The following SLC9B1 variants were observed in gnomAD, a reference collection of about 807,000 sequenced individuals.
SLC9B1 encodes sodium/hydrogen exchanger 9B1.
A neutral mutation model predicts 51.7 loss-of-function variants in SLC9B1; 32 were observed. That is an observed-to-expected ratio of 0.62 (90% CI 0.47 to 0.83). SLC9B1 has a LOEUF of 0.83. Among genes scored for constraint, SLC9B1 ranks in the 40% least tolerant of loss-of-function variants. SLC9B1 has a pLI of 0.00. For missense variants in SLC9B1, 406 were observed against 613.2 expected (o/e 0.66, Z 3.57); for synonymous variants, 145 against 212.7 (o/e 0.68, Z 2.77).
chr4:102,999,066 C>A (rs976276425), intron 1 of SLC9B1, among the ~76,000 whole-genome samples: 2 of 152,118 alleles, frequency 1.3e-5, no homozygotes, highest in Non-Finnish European at 2.9e-5. Flanking sequence ...GTAGCCCAGG[C>A]TGGTCTCAAA....
At chr4:102,939,335 G>A (rs562162121) in intron 6 of SLC9B1, among the ~76,000 whole-genome samples, 2 of 132,792 alleles carry the variant, frequency 1.5e-5, no homozygotes, top group African/African-American at 5.7e-5. Context: ...ATTGAACTAG[G>A]AAGAAACTGA....
intron 3 of SLC9B1, among the ~76,000 whole-genome samples, chr4:102,978,150 A>G (rs1360971033): frequency 6.6e-6 from 1 of 152,174 alleles, no homozygotes; most frequent in Non-Finnish European, 1.5e-5. Context: ...ATCATTTTTT[A>G]TGGCTGCATA....
At chr4:103,008,002 A>G (rs1241924056) in intron 1 of SLC9B1, among the ~76,000 whole-genome samples, 1 of 152,202 alleles carries the variant, frequency 6.6e-6, no homozygotes, top group Non-Finnish European at 1.5e-5. Flanking sequence ...TTGTACTAAC[A>G]AAAATAAGAC....
intron 7 of SLC9B1, among the ~76,000 whole-genome samples, chr4:102,920,041 G>C (rs867411103): frequency 3.9e-5 from 6 of 152,252 alleles, no homozygotes; most frequent in South Asian, 4.1e-4. Flanking sequence ...GCTCTGAAGA[G>C]AGCAGTGGTT....
chr4:102,919,149 G>C (rs1735734439), intron 7 of SLC9B1, among the ~76,000 whole-genome samples: 1 of 152,154 alleles, frequency 6.6e-6, no homozygotes, highest in Non-Finnish European at 1.5e-5. Flanking sequence ...ACATACCCTG[G>C]AGACAATTTC....
intron 9 of SLC9B1, 105 bp from the exon 10 acceptor site, chr4:102,906,749 G>A (rs1303717029): frequency 1.4e-6 from 1 of 693,030 alleles, no homozygotes; most frequent in African/African-American, 1.9e-5. Context: ...AAGTATTTTA[G>A]AGATGGGGTC....
At chr4:102,949,942 C>CT (rs1737463185) in intron 3 of SLC9B1, among the ~76,000 whole-genome samples, 1 of 151,724 alleles carries the variant, frequency 6.6e-6, no homozygotes. Context: ...GCCTGTGTGA[C>CT]AGAGTGAGAC....
downstream of SLC9B1, among the ~76,000 whole-genome samples, chr4:102,899,036 C>T (rs1199740973): frequency 6.6e-6 from 1 of 151,904 alleles, no homozygotes; most frequent in East Asian, 1.9e-4. Context: ...TGTGCCCAGC[C>T]TTATTTGTTT....
intron 6 of SLC9B1, among the ~76,000 whole-genome samples, chr4:102,940,237 A>AT (rs1354339607): frequency 6.6e-6 from 1 of 152,198 alleles, no homozygotes; most frequent in Non-Finnish European, 1.5e-5. Context: ...CAAATCAAGA[A>AT]TGCAATCCCA....
chr4:102,974,879 G>A (rs200495970), intron 3 of SLC9B1, among the ~76,000 whole-genome samples: 51 of 148,656 alleles, frequency 3.4e-4, no homozygotes, highest in Non-Finnish European at 5.7e-4. Flanking sequence ...ACTAAGCTTA[G>A]ATACAAACAT....
At chr4:102,980,948 TATC>T (rs1236455856) in intron 3 of SLC9B1, among the ~76,000 whole-genome samples, 3 of 152,182 alleles carry the variant, frequency 2.0e-5, no homozygotes, top group Non-Finnish European at 2.9e-5. Context: ...ATCATTATAA[TATC>T]ATACAAAATA....
chr4:102,891,159 G>A (rs1361263402), intron 11 of SLC9B1: 2 of 151,428 alleles, frequency 1.3e-5, no homozygotes, highest in African/African-American at 4.9e-5. Flanking sequence ...GGTAAGTCAA[G>A]TTCAAATTAA....
chr4:102,970,443 G>A (rs1041312198), intron 3 of SLC9B1, among the ~76,000 whole-genome samples: 5 of 152,206 alleles, frequency 3.3e-5, no homozygotes, highest in Admixed American at 6.5e-5. Context: ...AATGCTGAGA[G>A]ATTTTGTTAC....
chr4:102,959,698 A>T (rs1163415685), intron 3 of SLC9B1, among the ~76,000 whole-genome samples: 7 of 151,812 alleles, frequency 4.6e-5, no homozygotes, highest in Non-Finnish European at 7.4e-5. Flanking sequence ...CCAGAAGGAC[A>T]CTCCCCTGTG....
intron 7 of SLC9B1, among the ~76,000 whole-genome samples, chr4:102,919,395 C>T (rs1213171057): frequency 6.6e-6 from 1 of 152,204 alleles, no homozygotes; most frequent in Non-Finnish European, 1.5e-5. Context: ...AAACTGAACA[C>T]TCTGCTGCTT....
At chr4:102,928,738 T>C (rs1410763100) in intron 7 of SLC9B1, among the ~76,000 whole-genome samples, 2 of 152,022 alleles carry the variant, frequency 1.3e-5, no homozygotes, top group Non-Finnish European at 2.9e-5. Context: ...GTCTGCAAGT[T>C]GAGGGGCAAG....
rs557379621 is a variant in SLC9B1, at chr4:102,930,884, G to A, written c.829+1240C>T. On this transcript the variant is annotated intron_variant, in intron 7 of 11. Coordinates refer to ENST00000296422, the MANE Select transcript of SLC9B1 (RefSeq NM_139173.4). ...GATATACAAATACATTTACTGAAAAGAAACATGTTTGTGATATACAGTTAA... is the reference window on the plus strand; with the variant it reads ...GATATACAAATACATTTACTGAAAAAAAACATGTTTGTGATATACAGTTAA... 7.2e-5 allele frequency among the ~76,000 whole-genome samples: 11 copies of A among 152,122 alleles called. No homozygotes were observed. The South Asian group carries it at 2.3e-3, about 32-fold the overall frequency.
chr4:102,962,821 G>A (rs1195430530), intron 3 of SLC9B1: 2 of 474,280 alleles, frequency 4.2e-6, no homozygotes, highest in Non-Finnish European at 8.7e-6. Context: ...AGCATGATGT[G>A]GATTCCTGGA....
intron 1 of SLC9B1, among the ~76,000 whole-genome samples, chr4:103,007,591 C>CTTT (rs58447131): frequency 7.8e-4 from 84 of 107,694 alleles, no homozygotes; most frequent in Admixed American, 1.4e-3. Context: ...CTCTTGTCAT[C>CTTT]TTTTTTTTTT....
Sources: allele counts gnomAD v4.1 joint callset (sites outside exome capture counted in the v4.1 genomes callset), GRCh38; gene constraint gnomAD v4.1.1; transcripts MANE v1.5; gene names NCBI Gene and HGNC (gene_info 2026-07-23, HGNC 2026-07-21).